Variants in CHN1 observed in about 807,000 individuals in gnomAD.
CHN1 encodes the protein N-chimaerin.
In CHN1, 37 loss-of-function variants were observed where a neutral mutation model predicts 59.5. That is an observed-to-expected ratio of 0.62 (90% CI 0.48 to 0.82). The LOEUF (loss-of-function observed/expected upper bound fraction) is 0.82, where lower values mean the gene tolerates loss of function less well. Ranked by LOEUF, CHN1 falls within the 40% of genes least tolerant of loss-of-function variation. CHN1 has a pLI of 0.00. For missense variants in CHN1, 469 were observed against 571.0 expected, an observed-to-expected ratio of 0.82 and a Z score of 1.82; for synonymous variants, 206 against 200.4, an observed-to-expected ratio of 1.03 and a Z score of -0.24.
chr2:174,940,533 G>T (rs1689626334), intron 3 of CHN1, among the ~76,000 whole-genome samples: 1 of 147,262 alleles, frequency 6.8e-6, no homozygotes, highest in African/African-American at 2.5e-5. Context: ...TCCCACCACT[G>T]TTTTTTTTTT....
chr2:174,822,853 C>G (rs1395304805), intron 8 of CHN1, among the ~76,000 whole-genome samples: 2 of 152,260 alleles, frequency 1.3e-5, no homozygotes, highest in Non-Finnish European at 2.9e-5. Context: ...AGCTTCGACT[C>G]TGAGCTGAGG....
chr2:174,880,472 G>A (rs76426782), intron 5 of CHN1, among the ~76,000 whole-genome samples: 2,754 of 152,206 alleles, frequency 0.018, 81 homozygotes, highest in African/African-American at 0.062. Flanking sequence ...TAGAAGAAGA[G>A]AAAGAAGACA....
chr2:174,830,971 G>T (rs76661670), intron 7 of CHN1, among the ~76,000 whole-genome samples: 24,869 of 152,096 alleles, frequency 0.16, 2,703 homozygotes, highest in Non-Finnish European at 0.26. Flanking sequence ...TACCATAAAA[G>T]CCTACTAGAC....
At position 174,877,814 on chromosome 2, in the gene CHN1, T is replaced by A. The variant is rs1687614523; in HGVS notation, c.549+26A>T. The A allele has an allele frequency of 1.9e-6, 3 of 1,591,798 alleles. No homozygotes were observed. The South Asian group carries it at 3.4e-5, about 18-fold the overall frequency. On this transcript the variant is annotated intron_variant, in intron 6 of 12. Transcript: ENST00000409900. Reference sequence around the variant, plus strand: ...TAAAAGAACCCCAAACAGAAAAAGATAAAGTGTGGTTTCATAGTAGCTTAC... The same window carrying A: ...TAAAAGAACCCCAAACAGAAAAAGAAAAAGTGTGGTTTCATAGTAGCTTAC...
At chr2:174,910,899 C>CAAAAAAAAA (rs10568066) in intron 5 of CHN1, among the ~76,000 whole-genome samples, 6 of 76,628 alleles carry the variant, frequency 7.8e-5, no homozygotes, top group Non-Finnish European at 1.0e-4. Flanking sequence ...GACTCCGTCT[C>CAAAAAAAAA]AAAAAAAAAA....
intron 1 of CHN1, among the ~76,000 whole-genome samples, chr2:174,953,789 T>C (rs560144878): frequency 1.4e-4 from 22 of 152,222 alleles, no homozygotes; most frequent in African/African-American, 3.6e-4. Flanking sequence ...AAAGAAATCA[T>C]AGATGAAACA....
intron 7 of CHN1, among the ~76,000 whole-genome samples, chr2:174,841,550 TG>T (rs1686302480): frequency 6.6e-6 from 1 of 152,214 alleles, no homozygotes; most frequent in Non-Finnish European, 1.5e-5. Context: ...CATACTGATC[TG>T]CGCTATTTTT....
intron 1 of CHN1, among the ~76,000 whole-genome samples, chr2:174,981,918 G>A (rs982306228): frequency 2.0e-5 from 3 of 152,056 alleles, no homozygotes; most frequent in Non-Finnish European, 4.4e-5. Flanking sequence ...TAAACATTAG[G>A]TATATCTCCT....
chr2:174,966,363 C>A (rs1690591035), intron 1 of CHN1, among the ~76,000 whole-genome samples: 1 of 151,850 alleles, frequency 6.6e-6, no homozygotes, highest in South Asian at 2.1e-4. Flanking sequence ...ACTTCTGAAA[C>A]TGTGCAACTA....
At chr2:174,803,447 T>C (rs1026535902) in intron 11 of CHN1, among the ~76,000 whole-genome samples, 13 of 152,242 alleles carry the variant, frequency 8.5e-5, no homozygotes, top group African/African-American at 3.1e-4. Context: ...CTCTGAACTT[T>C]GGGGCCTTTA....
intron 6 of CHN1, among the ~76,000 whole-genome samples, chr2:174,867,923 T>C (rs1385640452): frequency 6.6e-6 from 1 of 152,198 alleles, no homozygotes; most frequent in African/African-American, 2.4e-5. Context: ...CATAGTTTTA[T>C]TATTTGTGTA....
intron 5 of CHN1, among the ~76,000 whole-genome samples, chr2:174,903,438 T>C (rs995582094): frequency 2.6e-5 from 4 of 152,310 alleles, no homozygotes; most frequent in South Asian, 4.1e-4. Context: ...AATATGCACA[T>C]ATGCCATAAA....
chr2:174,923,397 C>T (rs913814009), intron 3 of CHN1, among the ~76,000 whole-genome samples: 8 of 152,202 alleles, frequency 5.3e-5, no homozygotes, highest in African/African-American at 1.9e-4. Flanking sequence ...ACCTCGGCCT[C>T]CCAAAGTGCT....
At chr2:174,875,920 T>A in intron 6 of CHN1, 1 of 636,248 alleles carries the variant, frequency 1.6e-6, no homozygotes, top group Non-Finnish European at 2.0e-6. Flanking sequence ...CAGCTAGATT[T>A]AAGATGCATG....
rs1203894895 is a variant in CHN1 at position 175,004,884 on chromosome 2, C to G, written c.19+10G>C. 1 of 1,500,586 alleles carries G rather than the reference C, an allele frequency of 6.7e-7. No homozygotes were observed. Among genetic ancestry groups the G allele is most frequent in the Non-Finnish European group, 8.9e-7 (1 of 1,125,918 alleles). 93.0% of individuals were successfully genotyped at this position (1,500,586 alleles called of 1,614,324 possible). A position where few individuals can be genotyped will look rare whatever the true frequency, so the allele number is the denominator to read the frequency against. Reference sequence around the variant, plus strand: ...CACCTGCGGCGGCGCGGGGAGACGGCTGCACTTACCAAACAGGGTCAGGGC... The same window carrying G: ...CACCTGCGGCGGCGCGGGGAGACGGGTGCACTTACCAAACAGGGTCAGGGC... On this transcript the variant is annotated intron_variant, in intron 1 of 12. Coordinates refer to ENST00000409900, the MANE Select transcript of CHN1 (RefSeq NM_001822.7).
intron 11 of CHN1, chr2:174,802,198 G>C (rs575988001): frequency 5.1e-6 from 1 of 195,882 alleles, no homozygotes; most frequent in Non-Finnish European, 1.1e-5. Context: ...TTATAGAATG[G>C]TACATTGCTT....
chr2:174,932,321 C>A (rs1689373979), intron 3 of CHN1, among the ~76,000 whole-genome samples: 1 of 152,162 alleles, frequency 6.6e-6, no homozygotes, highest in Non-Finnish European at 1.5e-5. Flanking sequence ...TATACCATCT[C>A]CTTGTGGAGA....
intron 6 of CHN1, among the ~76,000 whole-genome samples, chr2:174,852,769 T>C (rs1319315820): frequency 2.0e-5 from 3 of 151,872 alleles, no homozygotes; most frequent in Admixed American, 6.6e-5. Flanking sequence ...TACCAAGAAA[T>C]AAAGCCTCAC....
At chr2:174,881,746 G>A (rs1011608764) in intron 5 of CHN1, among the ~76,000 whole-genome samples, 3 of 152,182 alleles carry the variant, frequency 2.0e-5, no homozygotes, top group Admixed American at 6.5e-5. Flanking sequence ...AAGGCAAGGA[G>A]GAGCTCTTTG....
Sources: gnomAD v4.1 joint callset for allele counts (sites outside exome capture counted in the v4.1 genomes callset) on GRCh38, gnomAD v4.1.1 for gene constraint, MANE v1.5 for transcripts, NCBI Gene and HGNC (gene_info 2026-07-23, HGNC 2026-07-21) for gene names.